The following SKAP1 variants were observed in gnomAD, a reference collection of about 807,000 sequenced individuals.
The protein encoded by SKAP1 is src kinase associated phosphoprotein 1, also known as src kinase-associated phosphoprotein 1.
A neutral mutation model predicts 58.5 loss-of-function variants in SKAP1; 44 were observed. That is an observed-to-expected ratio of 0.75 (90% CI 0.59 to 0.97). SKAP1 has a LOEUF of 0.97. Ranked by LOEUF, SKAP1 falls within the 50% of genes least tolerant of loss-of-function variation. SKAP1 has a pLI of 0.00. For synonymous variants in SKAP1, 127 were observed against 149.7 expected (o/e 0.85, Z 1.11); for missense variants, 390 against 435.2 (o/e 0.90, Z 0.92).
chr17:48,369,112 C>T (rs1598621352), intron 2 of SKAP1, among the ~76,000 whole-genome samples: 2 of 151,566 alleles, frequency 1.3e-5, no homozygotes, highest in African/African-American at 2.4e-5. Context: ...GCGCCATGCA[C>T]TCCAGCCTTG....
At chr17:48,188,020 G>A in intron 5 of SKAP1, 94 bp from the exon 6 acceptor site, 2 of 895,128 alleles carry the variant, frequency 2.2e-6, no homozygotes, top group Admixed American at 1.9e-5. Flanking sequence ...GTGTGTTATT[G>A]TTTTATTTCC....
chr17:48,186,884 A>C (rs973542110), intron 6 of SKAP1, among the ~76,000 whole-genome samples: 1 of 152,208 alleles, frequency 6.6e-6, no homozygotes. Flanking sequence ...GGAAAGCACT[A>C]AGTTTGAGGA....
At chr17:48,170,502 T>C in intron 10 of SKAP1, 107 bp downstream of exon 10, 1 of 954,380 alleles carries the variant, frequency 1.0e-6, no homozygotes, top group Non-Finnish European at 1.7e-6. Flanking sequence ...AGGTACCCTC[T>C]TAATTATTGA....
chr17:48,419,287 C>CTT (rs1206720011), intron 1 of SKAP1, among the ~76,000 whole-genome samples: 1 of 142,674 alleles, frequency 7.0e-6, no homozygotes, highest in African/African-American at 2.6e-5. Context: ...GAATTTGGGG[C>CTT]TTTTTTTTTT....
chr17:48,187,910 T>C lies in SKAP1; in HGVS notation c.375A>G (p.Gly125=), dbSNP rs756493449. ...CACACCATCGCTTCTGCCACTCCGA[T>C]CCAAAGAAACTATGATCTAAACAGA... ...EKKSKDHSFF[G]SEWQKRWCVV... The change falls in exon 6 of 13, where the codon GGA becomes GGG. Residue 125 remains glycine, a synonymous_variant. Coordinates refer to ENST00000336915, the MANE Select transcript of SKAP1 (RefSeq NM_003726.4). The C allele has an allele frequency of 2.7e-5, 43 of 1,613,710 alleles. No homozygotes were observed. Among genetic ancestry groups the C allele is most frequent in the Non-Finnish European group, 3.6e-5 (42 of 1,179,800 alleles).
At chr17:48,170,372 C>T (rs376525912) in intron 10 of SKAP1, among the ~76,000 whole-genome samples, 10 of 152,274 alleles carry the variant, frequency 6.6e-5, no homozygotes, top group Admixed American at 4.6e-4. Context: ...GCTTCCCACC[C>T]GCTCTAGGAT....
At chr17:48,441,874 G>A in the SKAP1 span, among the ~76,000 whole-genome samples, 3 of 152,122 alleles carry the variant, frequency 2.0e-5, no homozygotes, top group Admixed American at 1.3e-4. Context: ...GAGGAAATAA[G>A]GTTCCTTCTA....
chr17:48,237,879 A>G (rs1870854609), intron 4 of SKAP1, among the ~76,000 whole-genome samples: 1 of 151,516 alleles, frequency 6.6e-6, no homozygotes, highest in Non-Finnish European at 1.5e-5. Context: ...CATGAAGAAG[A>G]CTGGGCTGGT....
chr17:48,407,761 AGAG>A (rs1360331774), intron 1 of SKAP1, among the ~76,000 whole-genome samples: 3 of 151,862 alleles, frequency 2.0e-5, no homozygotes, highest in Non-Finnish European at 4.4e-5. Flanking sequence ...GGCTGAGGCA[AGAG>A]GATTGCTTGA....
intron 4 of SKAP1, among the ~76,000 whole-genome samples, chr17:48,305,499 A>T (rs753185972): frequency 9.9e-5 from 15 of 152,240 alleles, no homozygotes; most frequent in Non-Finnish European, 1.8e-4. Context: ...GGCCCTTTAT[A>T]GAAAATGTTT....
chr17:48,204,978 TTTCTTTCTTTC>T lies in SKAP1; in HGVS notation c.281-15489_281-15479del, dbSNP rs765883620. ...TTCCTCTTTCTTTTCTTTTCTTTTCTTTCTTTCTTTCTTTCTTTCTTTCTTTCTTTCTTTCT... is the reference window on the plus strand; with the variant it reads ...TTCCTCTTTCTTTTCTTTTCTTTTCTTTTCTTTCTTTCTTTCTTTCTTTCT... On this transcript the variant is annotated intron_variant, in intron 4 of 12. Coordinates refer to ENST00000336915, the MANE Select transcript of SKAP1 (RefSeq NM_003726.4). 1.1e-3 allele frequency among the ~76,000 whole-genome samples: 48 copies of T among 43,568 alleles called. 1 individual carries two copies. Among genetic ancestry groups the T allele is most frequent in the South Asian group, 0.011 (12 of 1,120 alleles). 28.6% of individuals were successfully genotyped at this position (43,568 alleles called of 152,430 possible). A position where few individuals can be genotyped will look rare whatever the true frequency, so the allele number is the denominator to read the frequency against.
intron 6 of SKAP1, 73 bp downstream of exon 6, chr17:48,187,770 C>A: frequency 1.9e-6 from 2 of 1,056,176 alleles, no homozygotes; most frequent in South Asian, 2.7e-5. Context: ...ATCTTGGGAT[C>A]TAAGTGCTTG....
At chr17:48,245,058 A>C (rs1220182248) in intron 4 of SKAP1, among the ~76,000 whole-genome samples, 1 of 152,212 alleles carries the variant, frequency 6.6e-6, no homozygotes, top group Non-Finnish European at 1.5e-5. Flanking sequence ...AGGAAGGAGT[A>C]ACCTGACTCT....
At chr17:48,258,047 G>A (rs28613168) in intron 4 of SKAP1, among the ~76,000 whole-genome samples, 13,932 of 151,964 alleles carry the variant, frequency 0.092, 979 homozygotes, top group African/African-American at 0.17. Flanking sequence ...CAAAAAGCTC[G>A]CATCATGACA....
At chr17:48,329,480 G>A (rs796643497) in intron 4 of SKAP1, among the ~76,000 whole-genome samples, 11 of 152,344 alleles carry the variant, frequency 7.2e-5, no homozygotes, top group African/African-American at 2.6e-4. Flanking sequence ...CAAGGCGGGA[G>A]GATCACTTGA....
chr17:48,260,936 C>A (rs1000984313), intron 4 of SKAP1, among the ~76,000 whole-genome samples: 7 of 152,152 alleles, frequency 4.6e-5, no homozygotes, highest in African/African-American at 1.7e-4. Context: ...GAACATTCTT[C>A]TTCTGTTCAT....
At chr17:48,367,914 CAA>C (rs66499523) in intron 2 of SKAP1, among the ~76,000 whole-genome samples, 154 of 132,886 alleles carry the variant, frequency 1.2e-3, no homozygotes, top group Non-Finnish European at 1.2e-3. Flanking sequence ...GATCCTGTCT[CAA>C]AAAAAAAAAA....
chr17:48,378,770 C>T (rs1453630258), intron 2 of SKAP1, among the ~76,000 whole-genome samples: 7 of 152,116 alleles, frequency 4.6e-5, no homozygotes, highest in Admixed American at 4.6e-4. Context: ...GTCTCTCTGT[C>T]ACTGAGCCCT....
At chr17:48,403,793 A>T (rs1287152320) in intron 1 of SKAP1, among the ~76,000 whole-genome samples, 2 of 152,200 alleles carry the variant, frequency 1.3e-5, no homozygotes, top group African/African-American at 4.8e-5. Context: ...AAACAAGTTA[A>T]ATCTAGATCA....
Sources: gnomAD v4.1 joint callset for allele counts (sites outside exome capture counted in the v4.1 genomes callset) on GRCh38, gnomAD v4.1.1 for gene constraint, MANE v1.5 for transcripts, NCBI Gene and HGNC (gene_info 2026-07-23, HGNC 2026-07-21) for gene names.